TPTE2: variants seen among roughly 807,000 people sequenced by gnomAD.
TPTE2 encodes the protein phosphatidylinositol 3,4,5-trisphosphate 3-phosphatase TPTE2.
TPTE2 carries 53 observed loss-of-function variants against 78.6 expected under a neutral mutation model. The observed-to-expected ratio is 0.67, with a 90% CI of 0.54 to 0.85. TPTE2 has a LOEUF of 0.85. TPTE2 is among the 40% of genes least tolerant of loss of function. TPTE2 has a pLI of 0.00. For synonymous variants in TPTE2, 175 were observed against 206.2 expected (o/e 0.85, Z 1.30); for missense variants, 461 against 623.0 (o/e 0.74, Z 2.77).
At chr13:19,551,468 T>C in the TPTE2 span, among the ~76,000 whole-genome samples, 5 of 152,014 alleles carry the variant, frequency 3.3e-5, no homozygotes, top group Non-Finnish European at 1.5e-5. Context: ...CACACGCCTG[T>C]GATCCCAGCT....
intron 1 of TPTE2, among the ~76,000 whole-genome samples, chr13:19,493,984 G>A (rs1295410328): frequency 1.3e-5 from 2 of 152,182 alleles, no homozygotes; most frequent in African/African-American, 2.4e-5. Flanking sequence ...ACCTGCCTCC[G>A]TGGTGGCAGA....
chr13:19,482,414 A>G (rs1404287882), intron 4 of TPTE2, 74 bp downstream of exon 7: 1 of 1,546,126 alleles, frequency 6.5e-7, no homozygotes, highest in Non-Finnish European at 8.8e-7. Flanking sequence ...TTCTTGCCTT[A>G]GCGGAAGCCC....
chr13:19,529,806 A>C (rs2137742011), intron 1 of TPTE2, among the ~76,000 whole-genome samples: 1 of 152,082 alleles, frequency 6.6e-6, no homozygotes, highest in African/African-American at 2.4e-5. Context: ...TTCTCTCCTC[A>C]GTTGCTGTTT....
the TPTE2 span, among the ~76,000 whole-genome samples, chr13:19,542,490 T>C: frequency 1.3e-5 from 2 of 152,234 alleles, no homozygotes; most frequent in Non-Finnish European, 2.9e-5. Flanking sequence ...TTCTATTAAT[T>C]TCTGCCTTTA....
Position 19,512,336 on chromosome 13 carries a change from C to T in TPTE2, c.-43-9059G>A, listed in dbSNP as rs1355524973. Among the ~76,000 whole-genome samples, 3 of 152,306 alleles carry T rather than the reference C, an allele frequency of 2.0e-5. 1 individual carries two copies. Among genetic ancestry groups the T allele is most frequent in the Admixed American group, 2.0e-4 (3 of 15,300 alleles). On this transcript the variant is annotated intron_variant, in intron 1 of 17. Transcript: ENST00000390680. The stretch of plus-strand genomic sequence containing the variant: ...ATAGACATTTTAATCTCATAGTCTA[C>T]TTTTTGTTAACTAACTCACCCCTCT...
intron 10 of TPTE2, among the ~76,000 whole-genome samples, chr13:19,451,479 A>G (rs1359341613): frequency 6.6e-6 from 1 of 152,200 alleles, no homozygotes; most frequent in African/African-American, 2.4e-5. Flanking sequence ...GCTATCACAT[A>G]AGTAAATTAG....
chr13:19,479,707 T>C (rs1177756505), intron 4 of TPTE2, among the ~76,000 whole-genome samples: 2 of 152,174 alleles, frequency 1.3e-5, no homozygotes, highest in Non-Finnish European at 2.9e-5. Flanking sequence ...CTCACGCCTG[T>C]AATCCCAGCA....
At chr13:19,451,930 G>A (rs1372334208) in intron 10 of TPTE2, among the ~76,000 whole-genome samples, 5 of 151,614 alleles carry the variant, frequency 3.3e-5, no homozygotes, top group African/African-American at 1.2e-4. Context: ...CCAACTTTCA[G>A]TAAATATATC....
chr13:19,444,647 T>C (rs561832830), intron 13 of TPTE2, among the ~76,000 whole-genome samples: 10 of 152,272 alleles, frequency 6.6e-5, no homozygotes, highest in Non-Finnish European at 1.3e-4. Context: ...ATAAATTCAA[T>C]GCAATTCCAA....
chr13:19,427,606 A>C (rs1876231023), intron 17 of TPTE2, among the ~76,000 whole-genome samples: 1 of 152,226 alleles, frequency 6.6e-6, no homozygotes, highest in South Asian at 2.1e-4. Flanking sequence ...AAAAATAACA[A>C]CAGGGGTCTG....
the TPTE2 span, among the ~76,000 whole-genome samples, chr13:19,554,306 C>T: frequency 2.6e-5 from 4 of 151,652 alleles, no homozygotes; most frequent in South Asian, 2.1e-4. Flanking sequence ...ACCCAGGAGG[C>T]GGAGCTTGCA....
intron 1 of TPTE2, among the ~76,000 whole-genome samples, chr13:19,521,707 AC>A (rs1209649730): frequency 1.3e-5 from 2 of 152,060 alleles, no homozygotes; most frequent in African/African-American, 4.8e-5. Context: ...TTGATTTATA[AC>A]TATGTAGTTC....
intron 15 of TPTE2, among the ~76,000 whole-genome samples, chr13:19,433,981 AG>A (rs1876875610): frequency 6.6e-6 from 1 of 152,194 alleles, no homozygotes; most frequent in Admixed American, 6.5e-5. Context: ...CCTTTCCCTA[AG>A]GGCTGTAAAC....
rs200401914 is a variant in TPTE2 at position 19,441,446 on chromosome 13, G to GA, written c.974-3294dup. ...TATACCAAAAATCTAAGCTCAAAAAGAAAAAAAAGTATTTTGCCCATTAAA... is the reference window on the plus strand; with the variant it reads ...TATACCAAAAATCTAAGCTCAAAAAGAAAAAAAAAGTATTTTGCCCATTAAA... On this transcript the variant is annotated intron_variant, in intron 13 of 19. Transcript: ENST00000400230. Among the ~76,000 whole-genome samples the GA allele has an allele frequency of 7.8e-3, 1,168 of 150,514 alleles. 13 individuals are homozygous for GA. Among genetic ancestry groups the GA allele is most frequent in the African/African-American group, 0.027 (1,120 of 41,084 alleles).
rs111500298 is a variant in TPTE2 at position 19,522,771 on chromosome 13, C to G, written c.-44+13825G>C. On this transcript the variant is annotated intron_variant, in intron 1 of 17. Transcript: ENST00000390680. ...CCGAGTAGCTAGGACTACAGGCACC[C>G]GCCACCATGTCAAGCTAATTTTTTT... Among the ~76,000 whole-genome samples the G allele has an allele frequency of 7.1e-4, 108 of 151,330 alleles. 1 individual carries two copies. The highest frequency in any genetic ancestry group is 2.4e-3 in the African/African-American group (97 of 41,198).
the TPTE2 span, among the ~76,000 whole-genome samples, chr13:19,556,264 G>A: frequency 2.0e-5 from 3 of 152,126 alleles, no homozygotes; most frequent in Non-Finnish European, 4.4e-5. Flanking sequence ...TTCACCTTCA[G>A]TTCAAATGAA....
chr13:19,532,576 A>G (rs1403923058), intron 1 of TPTE2, among the ~76,000 whole-genome samples: 2 of 152,200 alleles, frequency 1.3e-5, no homozygotes, highest in Non-Finnish European at 2.9e-5. Context: ...TTCTTTATAC[A>G]TTACCCAGTC....
chr13:19,450,253 T>C lies in TPTE2; in HGVS notation c.884+10A>G, dbSNP rs770543300. On this transcript the variant is annotated intron_variant, in intron 12 of 19. Transcript: ENST00000400230. ...CCCTCTTCTGATAGTCAATTTAGCA[T>C]AAAACTTACTGTAGAGTGGGGACAT... 12 of 1,611,176 alleles carry C rather than the reference T, an allele frequency of 7.4e-6. No homozygotes were observed. Among genetic ancestry groups the C allele is most frequent in the Non-Finnish European group, 1.0e-5 (12 of 1,179,442 alleles).
intron 17 of TPTE2, among the ~76,000 whole-genome samples, chr13:19,428,499 A>C (rs1030810474): frequency 3.3e-5 from 5 of 151,802 alleles, no homozygotes; most frequent in African/African-American, 1.2e-4. Flanking sequence ...ACAACAAACA[A>C]TGTCGGGCAG....
Sources: gnomAD v4.1 joint callset for allele counts (sites outside exome capture counted in the v4.1 genomes callset) on GRCh38, gnomAD v4.1.1 for gene constraint, MANE v1.5 for transcripts, NCBI Gene and HGNC (gene_info 2026-07-23, HGNC 2026-07-21) for gene names.